QKI: variants seen among roughly 807,000 people sequenced by gnomAD.
The protein encoded by QKI is KH domain-containing RNA-binding protein QKI.
A neutral mutation model predicts 39.0 loss-of-function variants in QKI; 10 were observed. The observed-to-expected ratio is 0.26, with a 90% confidence interval of 0.16 to 0.43. The LOEUF (loss-of-function observed/expected upper bound fraction) is 0.43. Among genes scored for constraint, QKI ranks in the 20% least tolerant of loss-of-function variants. The probability of loss-of-function intolerance (pLI) is 1.00; values close to 1 mark genes in which losing one functional copy is unlikely to be tolerated. For synonymous variants in QKI, 204 were observed against 155.4 expected, an observed-to-expected ratio of 1.31 and a Z score of -2.33; for missense variants, 218 against 428.0, an observed-to-expected ratio of 0.51 and a Z score of 4.33.
In QKI at chr6:163,562,086, A is replaced by AG; in HGVS notation, c.634+19dup. 6.3e-7 allele frequency: 1 copy of AG among 1,597,644 alleles called. No homozygotes were observed. The highest frequency in any genetic ancestry group is 1.1e-5 in the South Asian group (1 of 89,352). ...TTAAATCACGTAAGAATGAGCTCTG[A>AG]GGCCCAGGGTTACTGCTGTCTGCGT... On this transcript the variant is annotated intron_variant, in intron 5 of 7. Coordinates refer to ENST00000361752, the MANE Select transcript of QKI (RefSeq NM_006775.3).
At position 163,486,728 on chromosome 6, in the gene QKI, A is replaced by AT. The variant is rs2128227406; in HGVS notation, c.402+7834dup. ...GTTTATAGTTTGGTATGTCTTGTAG[A>AT]TTGTTCTTCATGCAGTTATGCATAT... is the stretch of plus-strand genomic sequence containing the variant. On this transcript the variant is annotated intron_variant, in intron 3 of 7. Coordinates refer to ENST00000361752, the MANE Select transcript of QKI (RefSeq NM_006775.3). Among the ~76,000 whole-genome samples, 3 of 152,286 alleles carry AT rather than the reference A, an allele frequency of 2.0e-5. No homozygotes were observed. In the South Asian group the frequency reaches 6.2e-4, roughly 32 times the overall value.
At chr6:163,455,177 A>T in intron 1 of QKI, 102 bp from the exon 2 acceptor site, 1 of 886,010 alleles carries the variant, frequency 1.1e-6, no homozygotes, top group Non-Finnish European at 1.6e-6. Context: ...TTTGAGTTTT[A>T]ATGCTTTATC....
Position 163,553,590 on chromosome 6 carries a change from C to T in QKI, c.547-8392C>T, listed in dbSNP as rs569046258. On this transcript the variant is annotated intron_variant, in intron 4 of 7. Coordinates refer to ENST00000361752, the MANE Select transcript of QKI (RefSeq NM_006775.3). ...GGCTCTACTAATGCTAGTATGTAGCCGGAGTTGTGAATCATATAAATCCTT... is the reference window on the plus strand; with the variant it reads ...GGCTCTACTAATGCTAGTATGTAGCTGGAGTTGTGAATCATATAAATCCTT... 1.1e-4 allele frequency among the ~76,000 whole-genome samples: 16 copies of T among 151,816 alleles called. No homozygotes were observed. The South Asian group carries it at 1.5e-3, about 14-fold the overall frequency.
chr6:163,479,224 G>A (rs1792871021), intron 3 of QKI, among the ~76,000 whole-genome samples: 1 of 152,066 alleles, frequency 6.6e-6, no homozygotes, highest in East Asian at 1.9e-4. Flanking sequence ...GGGAGGCAGA[G>A]ATTTCAGATT....
chr6:163,501,164 A>G lies in QKI; in HGVS notation c.402+22268A>G, dbSNP rs149475488. ...CAAGCTGTGAAATACTCAGATGGAT[A>G]ATGTGAATTAAGGCGTGTTCTTTGG... is the stretch of plus-strand genomic sequence containing the variant. On this transcript the variant is annotated intron_variant, in intron 3 of 7. Coordinates refer to ENST00000361752, the MANE Select transcript of QKI (RefSeq NM_006775.3). Among the ~76,000 whole-genome samples the G allele has an allele frequency of 2.7e-3, 418 of 152,220 alleles. 3 individuals are homozygous for G. The highest frequency in any genetic ancestry group is 9.6e-3 in the African/African-American group (399 of 41,540).
intron 7 of QKI, chr6:163,567,626 A>G (rs73023392): frequency 0.011 from 10,753 of 984,700 alleles, 69 homozygotes; most frequent in Middle Eastern, 0.021. Context: ...CCTTTTATAA[A>G]TTATTTTTGC....
chr6:163,474,701 G>T (rs961097745), intron 2 of QKI, among the ~76,000 whole-genome samples: 3 of 151,378 alleles, frequency 2.0e-5, no homozygotes, highest in African/African-American at 7.3e-5. Flanking sequence ...AGGCACTGGG[G>T]TGGAGTGGGG....
intron 4 of QKI, among the ~76,000 whole-genome samples, chr6:163,553,664 ACAG>A (rs1782404814): frequency 1.3e-5 from 2 of 152,198 alleles, no homozygotes; most frequent in South Asian, 4.1e-4. Flanking sequence ...TAATAAAATC[ACAG>A]ATTGTATCGT....
intron 3 of QKI, among the ~76,000 whole-genome samples, chr6:163,493,707 A>T (rs76275876): frequency 0.016 from 2,505 of 152,320 alleles, 61 homozygotes; most frequent in African/African-American, 0.057. Context: ...CAACAAAAAA[A>T]GATAAATGTG....
At chr6:163,493,143 T>TG (rs1248811179) in intron 3 of QKI, among the ~76,000 whole-genome samples, 1 of 151,564 alleles carries the variant, frequency 6.6e-6, no homozygotes, top group Non-Finnish European at 1.5e-5. Flanking sequence ...CTTTTTTTTT[T>TG]TTTTTGAGAT....
intron 3 of QKI, among the ~76,000 whole-genome samples, chr6:163,510,770 G>A (rs1004960417): frequency 3.3e-5 from 5 of 152,046 alleles, no homozygotes. Context: ...TCAATCATAA[G>A]TGTATATTTA....
In QKI at chr6:163,455,265, T is replaced by C; in HGVS notation, c.143-14T>C. The C allele has an allele frequency of 6.3e-7, 1 of 1,595,046 alleles. No individual in the cohort carries two copies. ...TTTTTTGTCTAACACATTTAAAATT[T>C]TTACTTTTAACAGAAATTAGCAGAG... On this transcript the variant is annotated splice_polypyrimidine_tract_variant and intron_variant, in intron 1 of 7. Coordinates refer to ENST00000361752, the MANE Select transcript of QKI (RefSeq NM_006775.3).
At chr6:163,546,665 C>G (rs1217517402) in intron 4 of QKI, among the ~76,000 whole-genome samples, 1 of 151,932 alleles carries the variant, frequency 6.6e-6, no homozygotes, top group East Asian at 1.9e-4. Flanking sequence ...AAGATAGTAA[C>G]CATTGTGACA....
chr6:163,521,333 A>G (rs1780142746), intron 3 of QKI, among the ~76,000 whole-genome samples: 2 of 152,188 alleles, frequency 1.3e-5, no homozygotes, highest in Non-Finnish European at 2.9e-5. Context: ...TGAAATTAGA[A>G]GGATAATCTT....
At chr6:163,529,033 A>G (rs528220797) in intron 3 of QKI, among the ~76,000 whole-genome samples, 5 of 152,184 alleles carry the variant, frequency 3.3e-5, no homozygotes, top group African/African-American at 4.8e-5. Flanking sequence ...ACAAGGTAGC[A>G]TTGAGGTTTT....
intron 1 of QKI, among the ~76,000 whole-genome samples, chr6:163,421,070 T>TA (rs148132813): frequency 1.3e-5 from 2 of 151,472 alleles, no homozygotes; most frequent in African/African-American, 2.4e-5. Context: ...GCACATGGTT[T>TA]AAAAAAAAAT....
rs549049837 is a variant in QKI, at chr6:163,463,655, C to T, written c.285+8234C>T. The stretch of plus-strand genomic sequence containing the variant: ...GCTGAAACCATTCAAAACAAATTCA[C>T]GTGAGGAAGATAGATTATCACTCTA... On this transcript the variant is annotated intron_variant, in intron 2 of 7. Transcript: ENST00000361752. Among the ~76,000 whole-genome samples, 32 of 152,146 alleles carry T rather than the reference C, an allele frequency of 2.1e-4. No homozygotes were observed. In the East Asian group the frequency reaches 2.7e-3, roughly 13 times the overall value.
chr6:163,530,558 A>G (rs1780786026), intron 3 of QKI, among the ~76,000 whole-genome samples: 1 of 152,216 alleles, frequency 6.6e-6, no homozygotes, highest in South Asian at 2.1e-4. Flanking sequence ...ACTAAGCTGC[A>G]AACTCACTGA....
intron 3 of QKI, among the ~76,000 whole-genome samples, chr6:163,501,825 T>C (rs1246898902): frequency 6.6e-6 from 1 of 152,232 alleles, no homozygotes; most frequent in East Asian, 1.9e-4. Context: ...TTAAAACTTG[T>C]ATTAAGCAGC....
Sources: gnomAD v4.1 joint callset for allele counts (sites outside exome capture counted in the v4.1 genomes callset) on GRCh38, gnomAD v4.1.1 for gene constraint, MANE v1.5 for transcripts, NCBI Gene and HGNC (gene_info 2026-07-23, HGNC 2026-07-21) for gene names.